Variants in ITGB4 observed in about 807,000 individuals in gnomAD.
ITGB4 encodes integrin beta-4.
ITGB4 carries 159 observed loss-of-function variants against 207.6 expected under a neutral mutation model. The ratio of observed to expected loss-of-function variants is 0.77; its 90% CI spans 0.67 to 0.87. ITGB4 has a LOEUF of 0.87. Ranked by LOEUF, ITGB4 falls within the 40% of genes least tolerant of loss-of-function variation. The pLI is 0.00. For synonymous variants in ITGB4, 1,020 were observed against 1,062.7 expected (o/e 0.96, Z 0.78); for missense variants, 2,278 against 2,546.8 (o/e 0.89, Z 2.27).
chr17:75,733,079 C>CT (rs2060896408), intron 12 of ITGB4, among the ~76,000 whole-genome samples: 1 of 149,686 alleles, frequency 6.7e-6, no homozygotes, highest in African/African-American at 2.5e-5. Context: ...GAGCGAAACT[C>CT]TGTCTTGAAA....
chr17:75,736,840 C>T, intron 16 of ITGB4, 146 bp downstream of exon 16: 1 of 893,070 alleles, frequency 1.1e-6, no homozygotes. Context: ...TGGGAGGGAC[C>T]ACAGAACCCA....
intron 34 of ITGB4, chr17:75,755,032 ACT>A (rs1380834252): frequency 2.5e-6 from 4 of 1,586,406 alleles, no homozygotes; most frequent in Non-Finnish European, 3.4e-6. Context: ...TGCTCCTCTC[ACT>A]CTTGTTTTGT....
Position 75,740,089 on chromosome 17 carries a change from C to A in ITGB4, c.2446+18C>A, listed in dbSNP as rs767394422. 1 of 1,604,050 alleles carries A rather than the reference C, an allele frequency of 6.2e-7. No homozygotes were observed. The highest frequency in any genetic ancestry group is 1.3e-5 in the African/African-American group (1 of 74,840). ...AGAGCTGGGTGAGGGCGGGGCTGGG[C>A]GCCACAGCTCTGGGCAGTGCCCTTC... On this transcript the variant is annotated intron_variant, in intron 20 of 39. Transcript: ENST00000200181. The surrounding 1 kb of genome is among the most constrained non-coding windows in gnomAD (Gnocchi z 5.9).
Position 75,740,242 on chromosome 17 carries a change from C to A in ITGB4, c.2447-116C>A. 8.0e-7 allele frequency: 1 copy of A among 1,243,926 alleles called. No homozygotes were observed. Among genetic ancestry groups the A allele is most frequent in the Non-Finnish European group, 1.1e-6 (1 of 873,876 alleles). The allele number at this position is 1,243,926 out of a possible 1,614,324, so 77.1% of individuals were successfully genotyped here. ...GAACCTCATGCCTCGGTGTGCGTGG[C>A]CTGCTGGCCAGGCATCCCCTGATCC... On this transcript the variant is annotated intron_variant, in intron 20 of 39. Transcript: ENST00000200181. The surrounding 1 kb of genome is among the most constrained non-coding windows in gnomAD (Gnocchi z 5.9).
Position 75,755,003 on chromosome 17 carries a change from CACAT to C in ITGB4, c.4558+189_4558+192del, listed in dbSNP as rs1286315585. The C allele has an allele frequency of 5.1e-6, 8 of 1,567,274 alleles. No individual in the cohort carries two copies. In the African/African-American group the frequency reaches 5.4e-5, roughly 11 times the overall value. Reference sequence around the variant, plus strand: ...ACAGACATGCATGCGCACACGTACACACATGCATGCACACTCCCTGCTCCTCTCA... The same window carrying C: ...ACAGACATGCATGCGCACACGTACACGCATGCACACTCCCTGCTCCTCTCA... On this transcript the variant is annotated intron_variant, in intron 34 of 39. Coordinates refer to ENST00000200181, the MANE Select transcript of ITGB4 (RefSeq NM_000213.5).
rs779852031 is a variant in ITGB4, at chr17:75,750,275, CG to C, written c.3474+13del. ...CAAGCCAATGGGGTACAGGGTAAGGCGGGGGGCTGAGGGTCACGACAGGTGG... is the reference window on the plus strand; with the variant it reads ...CAAGCCAATGGGGTACAGGGTAAGGCGGGGGCTGAGGGTCACGACAGGTGG... On this transcript the variant is annotated splice_region_variant and intron_variant, in intron 28 of 39. Transcript: ENST00000200181. The surrounding 1 kb of genome is among the most constrained non-coding windows in gnomAD (Gnocchi z 5.5). 8.1e-6 allele frequency: 13 copies of C among 1,606,610 alleles called. No individual in the cohort carries two copies. Among genetic ancestry groups the C allele is most frequent in the Admixed American group, 1.7e-5 (1 of 59,660 alleles).
intron 8 of ITGB4, 35 bp from the exon 9 acceptor site, chr17:75,730,840 A>G (rs774951439): frequency 1.2e-5 from 18 of 1,528,654 alleles, no homozygotes; most frequent in Middle Eastern, 3.4e-4. Context: ...ATTCATGGAG[A>G]TGCTTAGCCT....
In ITGB4 at chr17:75,742,848, A is replaced by C; in HGVS notation, c.2962+87A>C. 1 of 1,301,774 alleles carries C rather than the reference A, an allele frequency of 7.7e-7. No individual in the cohort carries two copies. The highest frequency in any genetic ancestry group is 1.1e-6 in the Non-Finnish European group (1 of 941,212). 80.6% of individuals were successfully genotyped at this position (1,301,774 alleles called of 1,614,324 possible). A position where few individuals can be genotyped will look rare whatever the true frequency, so the allele number is the denominator to read the frequency against. On this transcript the variant is annotated intron_variant, in intron 25 of 39. Coordinates refer to ENST00000200181, the MANE Select transcript of ITGB4 (RefSeq NM_000213.5). The surrounding 1 kb of genome is among the most constrained non-coding windows in gnomAD (Gnocchi z 5.9). ...GCTTAAGTGGAATTGCGACCTGGCC[A>C]CGTGGCCTGGGCTAGTCACTTAACC...
rs557289183 is a variant in ITGB4 at position 75,733,409 on chromosome 17, A to G, written c.1455-81A>G. 21 of 1,125,354 alleles carry G rather than the reference A, an allele frequency of 1.9e-5. No homozygotes were observed. The African/African-American group carries it at 1.9e-4, about 10-fold the overall frequency. 69.7% of individuals were successfully genotyped at this position (1,125,354 alleles called of 1,614,324 possible). ...TCAAAAAAAAAAATAAAATAATTAA[A>G]TTAAATTAAATTAAATGGGACAGCA... On this transcript the variant is annotated intron_variant, in intron 12 of 39. Coordinates refer to ENST00000200181, the MANE Select transcript of ITGB4 (RefSeq NM_000213.5).
At position 75,728,412 on chromosome 17, in the gene ITGB4, A is replaced by G; in HGVS notation, c.505A>G (p.Ile169Val). ...VLSQLTSDYT[I>V]GFGKFVDKVS... Reference sequence around the variant, plus strand: ...GAGCCAGCTCACCAGCGACTACACTATTGGATTTGGCAAGTTTGTGGACAA... The same window carrying G: ...GAGCCAGCTCACCAGCGACTACACTGTTGGATTTGGCAAGTTTGTGGACAA... Residue 169 changes from isoleucine (I) to valine (V), a missense_variant, in exon 6 of 40, where the codon ATT becomes GTT. Physicochemically the swap from Ile to Val is conservative, Grantham distance 29. Coordinates refer to ENST00000200181, the MANE Select transcript of ITGB4 (RefSeq NM_000213.5). 6.2e-7 allele frequency: 1 copy of G among 1,614,026 alleles called. No homozygotes were observed. The highest frequency in any genetic ancestry group is 8.5e-7 in the Non-Finnish European group (1 of 1,179,960).
At chr17:75,738,730 A>G (rs820181) in intron 18 of ITGB4, among the ~76,000 whole-genome samples, 115,059 of 152,228 alleles carry the variant, frequency 0.76, 43,755 homozygotes, top group Non-Finnish European at 0.79. Flanking sequence ...AGCTCAGAGT[A>G]GGGATTGTAG....
At chr17:75,721,882 G>A (rs925290631) in intron 1 of ITGB4, among the ~76,000 whole-genome samples, 3 of 152,262 alleles carry the variant, frequency 2.0e-5, no homozygotes, top group African/African-American at 4.8e-5. Context: ...GAGGCCAGTG[G>A]CTGGTAGCCC....
At position 75,730,437 on chromosome 17, in the gene ITGB4, G is replaced by T. The variant is rs750898335; in HGVS notation, c.935G>T (p.Arg312Leu). 4 of 1,613,936 alleles carry T rather than the reference G, an allele frequency of 2.5e-6. No individual in the cohort carries two copies. The highest frequency in any genetic ancestry group is 3.4e-6 in the Non-Finnish European group (4 of 1,180,024). ...TACCCGTCGGTGCCCACCCTGGTGC[G>T]CCTGCTCGCCAAGCACAACATCATC... ...QDYPSVPTLVRLLAKHNIIPI... is the reference protein window; with the variant it reads ...QDYPSVPTLVLLLAKHNIIPI... Residue 312 changes from arginine to leucine, a missense_variant, in exon 8 of 40, where the codon CGC becomes CTC. Physicochemically the swap from Arg to Leu is moderately radical, Grantham distance 102. Coordinates refer to ENST00000200181, the MANE Select transcript of ITGB4 (RefSeq NM_000213.5).
In ITGB4 at chr17:75,727,692, C is replaced by A. The variant is rs752061535; in HGVS notation, c.306C>A (p.Ser102=). ...IDTTLRRSQM[S]PQGLRVRLRP... ...CCACCCTGCGGCGCAGCCAGATGTC[C>A]CCCCAAGGCCTGCGGGTCCGTCTGC... Residue 102 remains serine, a synonymous_variant, in exon 5 of 40, where the codon TCC becomes TCA. Coordinates refer to ENST00000200181, the MANE Select transcript of ITGB4 (RefSeq NM_000213.5). This position sits in a 1 kb window ranked among gnomAD's most constrained non-coding sequence, Gnocchi z 6.0. 33 of 1,611,726 alleles carry A rather than the reference C, an allele frequency of 2.0e-5. No individual in the cohort carries two copies. Among genetic ancestry groups the A allele is most frequent in the Non-Finnish European group, 2.8e-5 (33 of 1,179,440 alleles).
At chr17:75,728,263 T>C in intron 5 of ITGB4, 114 bp from the exon 6 acceptor site, 1 of 818,510 alleles carries the variant, frequency 1.2e-6, no homozygotes, top group Non-Finnish European at 2.1e-6. Context: ...TTGTCCAGCA[T>C]GCAAAGCGTT....
chr17:75,736,280 T>C lies in ITGB4; in HGVS notation c.1762-8T>C. ...CAGCTGGCTCACTGGTGCCCCCTCC[T>C]ACCCCAGGGCATCTGTAATGGACGT... On this transcript the variant is annotated splice_polypyrimidine_tract_variant and splice_region_variant and intron_variant, in intron 14 of 39. Transcript: ENST00000200181. 1 of 1,613,400 alleles carries C rather than the reference T, an allele frequency of 6.2e-7. No individual in the cohort carries two copies. Among genetic ancestry groups the C allele is most frequent in the Non-Finnish European group, 8.5e-7 (1 of 1,179,426 alleles).
rs72860350 is a variant in ITGB4, at chr17:75,740,666, G to A, written c.2551-127G>A. ...GCCTGGGCCCAGGATGCTGCCCCACGGGGCATGCCCCAGCCAACCCTGAGG... is the reference window on the plus strand; with the variant it reads ...GCCTGGGCCCAGGATGCTGCCCCACAGGGCATGCCCCAGCCAACCCTGAGG... On this transcript the variant is annotated intron_variant, in intron 21 of 39. Transcript: ENST00000200181. The surrounding 1 kb of genome is among the most constrained non-coding windows in gnomAD (Gnocchi z 5.9). The A allele has an allele frequency of 4.1e-3, 4,719 of 1,158,136 alleles. 22 individuals carry two copies. The highest frequency in any genetic ancestry group is 4.2e-3 in the Non-Finnish European group (3,294 of 776,434). 71.7% of individuals were successfully genotyped at this position (1,158,136 alleles called of 1,614,324 possible).
chr17:75,730,592 C>CCCTCCCTCCCTTCCTCCCTT, intron 8 of ITGB4, 88 bp downstream of exon 8: 2 of 1,238,210 alleles, frequency 1.6e-6, no homozygotes, highest in Non-Finnish European at 2.3e-6. Flanking sequence ...CTCCCTCCCT[C>CCCTCCCTCCCTTCCTCCCTT]CCTCCCTCCC....
intron 30 of ITGB4, 123 bp downstream of exon 30, chr17:75,751,234 T>C: frequency 8.5e-7 from 1 of 1,181,646 alleles, no homozygotes; most frequent in East Asian, 2.5e-5. Flanking sequence ...GAGGCCTTCA[T>C]CCTGGTCAGC....
Sources: allele counts gnomAD v4.1 joint callset (sites outside exome capture counted in the v4.1 genomes callset), GRCh38; gene constraint gnomAD v4.1.1; non-coding constraint Gnocchi (gnomAD v3.1); transcripts MANE v1.5; gene names NCBI Gene and HGNC (gene_info 2026-07-23, HGNC 2026-07-21).